The following MCOLN1 variants were observed in gnomAD, a reference collection of about 807,000 sequenced individuals.
MCOLN1 encodes the protein mucolipin TRP cation channel 1, also known as mucolipin-1.
A neutral mutation model predicts 70.3 loss-of-function variants in MCOLN1; 50 were observed. The ratio of observed to expected loss-of-function variants is 0.71; its 90% CI spans 0.57 to 0.90. The LOEUF is 0.90. Among genes scored for constraint, MCOLN1 ranks in the 40% least tolerant of loss-of-function variants. MCOLN1 has a pLI of 0.00. For missense variants in MCOLN1, 598 were observed against 803.5 expected (o/e 0.74, Z 3.09); for synonymous variants, 366 against 341.0 (o/e 1.07, Z -0.81).
In MCOLN1 at chr19:7,525,318, C is replaced by T. The variant is rs2022553672; in HGVS notation, c.237+152C>T. 1.4e-6 allele frequency: 1 copy of T among 717,152 alleles called. No individual in the cohort carries two copies. The allele number at this position is 717,152 out of a possible 1,614,324, so 44.4% of individuals were successfully genotyped here. A position where few individuals can be genotyped will look rare whatever the true frequency, so the allele number is the denominator to read the frequency against. On this transcript the variant is annotated intron_variant, in intron 2 of 13. Transcript: ENST00000264079. This position sits in a 1 kb window ranked among gnomAD's most constrained non-coding sequence, Gnocchi z 4.2. ...ACCAGTCTGGCCAGCATGGTGAAACCCCATCTCTACTAAAAATACAAAAAA... is the reference window on the plus strand; with the variant it reads ...ACCAGTCTGGCCAGCATGGTGAAACTCCATCTCTACTAAAAATACAAAAAA...
In MCOLN1 at chr19:7,526,160, C is replaced by T; in HGVS notation, c.238-279C>T. 4 of 536,644 alleles carry T rather than the reference C, an allele frequency of 7.5e-6. No individual in the cohort carries two copies. The highest frequency in any genetic ancestry group is 6.1e-5 in the South Asian group (3 of 49,478). The allele number at this position is 536,644 out of a possible 1,614,324, so 33.2% of individuals were successfully genotyped here. ...CAGTAAACATTTAATGAACGTTAGT[C>T]CCTGCAGTGAGATAGATGAGTCCCC... On this transcript the variant is annotated intron_variant, in intron 2 of 13. Coordinates refer to ENST00000264079, the MANE Select transcript of MCOLN1 (RefSeq NM_020533.3). This position sits in a 1 kb window ranked among gnomAD's most constrained non-coding sequence, Gnocchi z 4.6.
At position 7,525,435 on chromosome 19, in the gene MCOLN1, G is replaced by A. The variant is rs143431477; in HGVS notation, c.237+269G>A. 391 of 408,114 alleles carry A rather than the reference G, an allele frequency of 9.6e-4. 1 individual carries two copies. Among genetic ancestry groups the A allele is most frequent in the African/African-American group, 6.9e-3 (336 of 48,652 alleles). 25.3% of individuals were successfully genotyped at this position (408,114 alleles called of 1,614,324 possible). A position where few individuals can be genotyped will look rare whatever the true frequency, so the allele number is the denominator to read the frequency against. On this transcript the variant is annotated intron_variant, in intron 2 of 13. Transcript: ENST00000264079. This position sits in a 1 kb window ranked among gnomAD's most constrained non-coding sequence, Gnocchi z 4.2. ...CTTGAATTGGGAGGCGGAGGTTGCC[G>A]TGAGCTGAAATCATGCCACTGCACT...
In MCOLN1 at chr19:7,525,348, G is replaced by T. The variant is rs1362103085; in HGVS notation, c.237+182G>T. 1.5e-5 allele frequency: 9 copies of T among 619,186 alleles called. No homozygotes were observed. The East Asian group carries it at 2.5e-4, about 17-fold the overall frequency. The allele number at this position is 619,186 out of a possible 1,614,324, so 38.4% of individuals were successfully genotyped here. On this transcript the variant is annotated intron_variant, in intron 2 of 13. Transcript: ENST00000264079. This position sits in a 1 kb window ranked among gnomAD's most constrained non-coding sequence, Gnocchi z 4.2. The stretch of plus-strand genomic sequence containing the variant: ...CTCTACTAAAAATACAAAAAAATTA[G>T]CCGTGCGTGGTGGCGGGTGCCTGTA...
rs747892058 is a variant in MCOLN1, at chr19:7,524,127, A to T, written c.32-834A>T. Among the ~76,000 whole-genome samples, 1 of 152,118 alleles carries T rather than the reference A, an allele frequency of 6.6e-6. No individual in the cohort carries two copies. Among genetic ancestry groups the T allele is most frequent in the African/African-American group, 2.4e-5 (1 of 41,428 alleles). ...TCCCAAAGCCGTTGGGATAACAGGC[A>T]TGAGCCACTGAGCCCAGCCAAGGGG... On this transcript the variant is annotated intron_variant, in intron 1 of 13. Transcript: ENST00000264079. This position sits in a 1 kb window ranked among gnomAD's most constrained non-coding sequence, Gnocchi z 4.1.
chr19:7,528,211 C>G lies in MCOLN1; in HGVS notation c.831C>G (p.Thr277=). The G allele has an allele frequency of 6.2e-7, 1 of 1,614,106 alleles. No homozygotes were observed. Among genetic ancestry groups the G allele is most frequent in the Non-Finnish European group, 8.5e-7 (1 of 1,179,996 alleles). Residue 277 remains threonine (T), a synonymous_variant, in exon 7 of 14, where the codon ACC becomes ACG. Transcript: ENST00000264079. The surrounding 1 kb of genome is among the most constrained non-coding windows in gnomAD (Gnocchi z 4.2). ...GGCGGATCCCCATCAGCCTGGAGAC[C>G]CAGGCCCACATCCAGGAGTGTAAGC... ...HSGRIPISLE[T]QAHIQECKHP... is the part of the protein sequence containing the mutation.
At position 7,524,859 on chromosome 19, in the gene MCOLN1, A is replaced by T. The variant is rs2022544116; in HGVS notation, c.32-102A>T. 1.3e-5 allele frequency: 12 copies of T among 933,404 alleles called. No individual in the cohort carries two copies. Among genetic ancestry groups the T allele is most frequent in the Middle Eastern group, 3.1e-4 (1 of 3,180 alleles). The allele number at this position is 933,404 out of a possible 1,614,324, so 57.8% of individuals were successfully genotyped here. The stretch of plus-strand genomic sequence containing the variant: ...CTCAGAGCTCTTCCTTGGCAGGAGC[A>T]TGGGGACATGAAGATAGGGCGTGTG... On this transcript the variant is annotated intron_variant, in intron 1 of 13. Coordinates refer to ENST00000264079, the MANE Select transcript of MCOLN1 (RefSeq NM_020533.3). The surrounding 1 kb of genome is among the most constrained non-coding windows in gnomAD (Gnocchi z 4.1).
intron 11 of MCOLN1, 138 bp from the exon 12 acceptor site, chr19:7,530,148 C>T: frequency 1.2e-6 from 1 of 802,912 alleles, no homozygotes; most frequent in Admixed American, 1.8e-5. Context: ...CACATGGTGA[C>T]CGCAGCCCGG....
In MCOLN1 at chr19:7,528,767, G is replaced by C; in HGVS notation, c.985-54G>C. ...CCTGGCCCTGGGGCGATAAAAGCCA[G>C]GGCTTTGAGGGTCCTGTGCCTGGTC... On this transcript the variant is annotated intron_variant, in intron 8 of 13. Transcript: ENST00000264079. The surrounding 1 kb of genome is among the most constrained non-coding windows in gnomAD (Gnocchi z 4.2). 17 of 1,614,146 alleles carry C rather than the reference G, an allele frequency of 1.1e-5. No homozygotes were observed. In the South Asian group the frequency reaches 1.9e-4, roughly 18 times the overall value.
Position 7,522,794 on chromosome 19 carries a change from G to C in MCOLN1, c.31+13G>C. The C allele has an allele frequency of 7.5e-7, 1 of 1,334,174 alleles. No homozygotes were observed. The highest frequency in any genetic ancestry group is 9.5e-7 in the Non-Finnish European group (1 of 1,047,544). The allele number at this position is 1,334,174 out of a possible 1,614,324, so 82.6% of individuals were successfully genotyped here. A position where few individuals can be genotyped will look rare whatever the true frequency, so the allele number is the denominator to read the frequency against. Reference sequence around the variant, plus strand: ...CCGCGCGGCTCAGGTGAGGGCGCGGGCGGCACCGTGGGGCCCCGAACTCAG... The same window carrying C: ...CCGCGCGGCTCAGGTGAGGGCGCGGCCGGCACCGTGGGGCCCCGAACTCAG... On this transcript the variant is annotated intron_variant, in intron 1 of 13. Coordinates refer to ENST00000264079, the MANE Select transcript of MCOLN1 (RefSeq NM_020533.3).
chr19:7,529,501 G>GGCCCCCCCCC, intron 10 of MCOLN1, 89 bp from the exon 11 acceptor site: 2 of 747,250 alleles, frequency 2.7e-6, no homozygotes, highest in Non-Finnish European at 4.6e-6. Context: ...CCTCGGCAAG[G>GGCCCCCCCCC]CCCCGCCCCT....
In MCOLN1 at chr19:7,529,288, C is replaced by A. The variant is rs1357455800; in HGVS notation, c.1236+86C>A. The A allele has an allele frequency of 4.8e-6, 6 of 1,239,048 alleles. No homozygotes were observed. The African/African-American group carries it at 8.8e-5, about 18-fold the overall frequency. 76.8% of individuals were successfully genotyped at this position (1,239,048 alleles called of 1,614,324 possible). ...CCCTACACACGCAGCCCTCACCAGC[C>A]CCGGCCAATGGCCCCTTGCAAGCCT... On this transcript the variant is annotated intron_variant, in intron 10 of 13. Coordinates refer to ENST00000264079, the MANE Select transcript of MCOLN1 (RefSeq NM_020533.3).
In MCOLN1 at chr19:7,528,212, C is replaced by T; in HGVS notation, c.832C>T (p.Gln278Ter). 6.2e-7 allele frequency: 1 copy of T among 1,614,152 alleles called. No homozygotes were observed. Among genetic ancestry groups the T allele is most frequent in the Non-Finnish European group, 8.5e-7 (1 of 1,180,004 alleles). Reference sequence around the variant, plus strand: ...GCGGATCCCCATCAGCCTGGAGACCCAGGCCCACATCCAGGAGTGTAAGCA... The same window carrying T: ...GCGGATCCCCATCAGCCTGGAGACCTAGGCCCACATCCAGGAGTGTAAGCA... ...SGRIPISLET[Q>*]AHIQECKHPS... The change falls in exon 7 of 14, where the codon CAG becomes TAG. Residue 278 changes from glutamine to a stop codon, truncating the protein, a stop_gained. Coordinates refer to ENST00000264079, the MANE Select transcript of MCOLN1 (RefSeq NM_020533.3). LOFTEE classifies it high-confidence loss of function. This position sits in a 1 kb window ranked among gnomAD's most constrained non-coding sequence, Gnocchi z 4.2.
rs747548818 is a variant in MCOLN1 at position 7,526,646 on chromosome 19, C to T, written c.405+40C>T. On this transcript the variant is annotated intron_variant, in intron 3 of 13. Coordinates refer to ENST00000264079, the MANE Select transcript of MCOLN1 (RefSeq NM_020533.3). This position sits in a 1 kb window ranked among gnomAD's most constrained non-coding sequence, Gnocchi z 4.6. Reference sequence around the variant, plus strand: ...GCAGGTGCTGGTGGGCAGGCAGGTGCAGGTGGGCGGGCAGGTGCAGTTGGG... The same window carrying T: ...GCAGGTGCTGGTGGGCAGGCAGGTGTAGGTGGGCGGGCAGGTGCAGTTGGG... The T allele has an allele frequency of 1.3e-6, 2 of 1,599,550 alleles. No homozygotes were observed. Among genetic ancestry groups the T allele is most frequent in the Non-Finnish European group, 8.5e-7 (1 of 1,178,610 alleles).
chr19:7,529,767 C>A (rs1371371926), intron 11 of MCOLN1, 55 bp downstream of exon 11: 9 of 1,609,172 alleles, frequency 5.6e-6, no homozygotes, highest in African/African-American at 1.3e-5. Flanking sequence ...GTCATTGACA[C>A]TGTGACCCCC....
At chr19:7,527,382 G>C in intron 4 of MCOLN1, 138 bp from the exon 5 acceptor site, 1 of 686,100 alleles carries the variant, frequency 1.5e-6, no homozygotes, top group Non-Finnish European at 2.7e-6. Context: ...TAAAACATCC[G>C]CAGGCCCAGA....
In MCOLN1 at chr19:7,530,360, C is replaced by T. The variant is rs772184395; in HGVS notation, c.1434C>T (p.Ala478=). 111 of 1,613,824 alleles carry T rather than the reference C, an allele frequency of 6.9e-5. No individual in the cohort carries two copies. The highest frequency in any genetic ancestry group is 8.8e-5 in the Non-Finnish European group (104 of 1,180,034). The change falls in exon 12 of 14, where the codon GCC becomes GCT. Residue 478 remains alanine (A), a synonymous_variant. Coordinates refer to ENST00000264079, the MANE Select transcript of MCOLN1 (RefSeq NM_020533.3). ...INGDDMFVTF[A]AMQAQQGRSS... is the part of the protein sequence containing the mutation. ...GGGACGACATGTTTGTGACGTTCGC[C>T]GCCATGCAGGCGCAGCAGGGCCGCA...
In MCOLN1 at chr19:7,526,000, T is replaced by A. The variant is rs1488270874; in HGVS notation, c.238-439T>A. ...TTGCTTGAACCCAGGGGGTGGAGGTTGTAGTGAGCTGAGATCATACCATGG... is the reference window on the plus strand; with the variant it reads ...TTGCTTGAACCCAGGGGGTGGAGGTAGTAGTGAGCTGAGATCATACCATGG... On this transcript the variant is annotated intron_variant, in intron 2 of 13. Transcript: ENST00000264079. This position sits in a 1 kb window ranked among gnomAD's most constrained non-coding sequence, Gnocchi z 4.2. 8.5e-6 allele frequency: 2 copies of A among 236,584 alleles called. No individual in the cohort carries two copies. The highest frequency in any genetic ancestry group is 1.7e-5 in the Non-Finnish European group (2 of 118,228). The allele number at this position is 236,584 out of a possible 1,614,324, so 14.7% of individuals were successfully genotyped here.
chr19:7,531,334 G>A (rs2022650683), intron 12 of MCOLN1, among the ~76,000 whole-genome samples: 1 of 152,058 alleles, frequency 6.6e-6, no homozygotes, highest in African/African-American at 2.4e-5. Flanking sequence ...CTGAGTAGCT[G>A]GGATTACTTG....
chr19:7,531,431 C>T lies in MCOLN1; in HGVS notation c.1575+930C>T, dbSNP rs10411978. Among the ~76,000 whole-genome samples the T allele has an allele frequency of 7.5e-3, 1,132 of 151,234 alleles. 20 individuals carry two copies. The highest frequency in any genetic ancestry group is 0.026 in the African/African-American group (1,068 of 41,200). ...GGCCAGGCTGGTCTCGAACTCCTGA[C>T]CTCAGGTGATCCACCTGCCTTGGCC... On this transcript the variant is annotated intron_variant, in intron 12 of 13. Transcript: ENST00000264079.
Sources: allele counts gnomAD v4.1 joint callset (sites outside exome capture counted in the v4.1 genomes callset), GRCh38; gene constraint gnomAD v4.1.1; non-coding constraint Gnocchi (gnomAD v3.1); transcripts MANE v1.5; gene names NCBI Gene and HGNC (gene_info 2026-07-23, HGNC 2026-07-21).